Variants in MB21D2 observed in about 807,000 individuals in gnomAD.
MB21D2 encodes the protein nucleotidyltransferase MB21D2.
MB21D2 carries 9 observed loss-of-function variants against 33.3 expected under a neutral mutation model. The ratio of observed to expected loss-of-function variants is 0.27; its 90% CI spans 0.16 to 0.47. The LOEUF (loss-of-function observed/expected upper bound fraction) is 0.47. Ranked by LOEUF, MB21D2 falls within the 20% of genes least tolerant of loss-of-function variation. MB21D2 has a pLI of 0.99. For missense variants in MB21D2, 540 were observed against 624.6 expected (o/e 0.86, Z 1.44); for synonymous variants, 241 against 236.3 (o/e 1.02, Z -0.18).
intron 1 of MB21D2, among the ~76,000 whole-genome samples, chr3:192,850,165 G>A (rs1398656649): frequency 1.3e-5 from 2 of 151,990 alleles, no homozygotes; most frequent in Non-Finnish European, 2.9e-5. Flanking sequence ...TGATCCACCC[G>A]CCTCGGCCTC....
intron 1 of MB21D2, among the ~76,000 whole-genome samples, chr3:192,867,938 G>A (rs1713204399): frequency 6.6e-6 from 1 of 152,180 alleles, no homozygotes. Context: ...CTGGGGATGG[G>A]GGAGGAAGGA....
chr3:192,907,913 T>C (rs1192364386), intron 1 of MB21D2, among the ~76,000 whole-genome samples: 1 of 152,110 alleles, frequency 6.6e-6, no homozygotes, highest in East Asian at 1.9e-4. Context: ...CACATGCCTG[T>C]GAAGAAACAC....
intron 1 of MB21D2, among the ~76,000 whole-genome samples, chr3:192,863,057 T>G (rs1412220554): frequency 6.6e-6 from 1 of 152,162 alleles, no homozygotes; most frequent in Non-Finnish European, 1.5e-5. Context: ...ACTACAGCAC[T>G]GGGGATTAGG....
At chr3:192,839,753 C>T (rs1472127831) in intron 1 of MB21D2, among the ~76,000 whole-genome samples, 2 of 152,118 alleles carry the variant, frequency 1.3e-5, no homozygotes, top group African/African-American at 2.4e-5. Context: ...AGAGTATAGC[C>T]GCTAAAGAAA....
intron 1 of MB21D2, among the ~76,000 whole-genome samples, chr3:192,828,731 C>T (rs1712246990): frequency 6.8e-6 from 1 of 147,230 alleles, no homozygotes; most frequent in Non-Finnish European, 1.5e-5. Flanking sequence ...TCACTGCAGG[C>T]TGCGCCTCCC....
chr3:192,842,849 G>A (rs1577180616), intron 1 of MB21D2, among the ~76,000 whole-genome samples: 1 of 152,200 alleles, frequency 6.6e-6, no homozygotes, highest in Non-Finnish European at 1.5e-5. Context: ...TGCATGTTAA[G>A]TGCAGTTAGG....
intron 1 of MB21D2, among the ~76,000 whole-genome samples, chr3:192,914,393 C>G (rs1385632630): frequency 6.6e-6 from 1 of 152,206 alleles, no homozygotes; most frequent in Non-Finnish European, 1.5e-5. Flanking sequence ...TTCCTGCCTT[C>G]TCCAGCATCT....
At chr3:192,835,964 GA>G (rs1397016675) in intron 1 of MB21D2, among the ~76,000 whole-genome samples, 1 of 152,174 alleles carries the variant, frequency 6.6e-6, no homozygotes, top group East Asian at 1.9e-4. Flanking sequence ...CTCTGGAGAT[GA>G]AAAAAAGTCC....
intron 1 of MB21D2, among the ~76,000 whole-genome samples, chr3:192,837,705 C>G (rs551129746): frequency 6.6e-6 from 1 of 152,276 alleles, no homozygotes; most frequent in South Asian, 2.1e-4. Flanking sequence ...TTCCAAAACG[C>G]CATCCTAGGA....
At chr3:192,811,620 A>G (rs541649037) in intron 1 of MB21D2, among the ~76,000 whole-genome samples, 19 of 152,314 alleles carry the variant, frequency 1.2e-4, no homozygotes, top group African/African-American at 4.3e-4. Flanking sequence ...TACAGCTAGC[A>G]TCTTCCTGAT....
At chr3:192,867,305 A>G (rs35499176) in intron 1 of MB21D2, among the ~76,000 whole-genome samples, 4 of 152,132 alleles carry the variant, frequency 2.6e-5, no homozygotes, top group Non-Finnish European at 5.9e-5. Flanking sequence ...TCTGGCTGAG[A>G]AAGGGTCCCA....
At chr3:192,890,551 G>C (rs1316679924) in intron 1 of MB21D2, among the ~76,000 whole-genome samples, 1 of 150,042 alleles carries the variant, frequency 6.7e-6, no homozygotes, top group Non-Finnish European at 1.5e-5. Flanking sequence ...TATAGAAAAA[G>C]TCTGATGCAA....
chr3:192,828,591 CATATATATATATATATATATATATATATA>C lies in MB21D2; in HGVS notation c.212-28970_212-28942del, dbSNP rs1261331360. 5.5e-3 allele frequency among the ~76,000 whole-genome samples: 299 copies of C among 54,136 alleles called. 24 individuals carry two copies. The Middle Eastern group carries it at 0.1, about 19-fold the overall frequency. 35.5% of individuals were successfully genotyped at this position (54,136 alleles called of 152,430 possible). A position where few individuals can be genotyped will look rare whatever the true frequency, so the allele number is the denominator to read the frequency against. On this transcript the variant is annotated intron_variant, in intron 1 of 1. Transcript: ENST00000392452. ...TATATACAATAAAACTCACCCCCCC[CATATATATATATATATATATATATATATA>C]TATATATATATATATATATATATAT...
chr3:192,815,761 T>G (rs73060252), intron 1 of MB21D2, among the ~76,000 whole-genome samples: 4,502 of 152,312 alleles, frequency 0.03, 168 homozygotes, highest in African/African-American at 0.088. Flanking sequence ...TCATTTAGTT[T>G]GAAAGAAAAT....
At chr3:192,893,004 T>C (rs147491734) in intron 1 of MB21D2, among the ~76,000 whole-genome samples, 1 of 152,308 alleles carries the variant, frequency 6.6e-6, no homozygotes, top group African/African-American at 2.4e-5. Context: ...CTACTTAATT[T>C]GCACGACAAT....
At chr3:192,819,587 A>G (rs1400025901) in intron 1 of MB21D2, among the ~76,000 whole-genome samples, 1 of 152,092 alleles carries the variant, frequency 6.6e-6, no homozygotes, top group East Asian at 1.9e-4. Flanking sequence ...TAAAAGGGAG[A>G]TGGAGAAAGG....
Position 192,820,520 on chromosome 3 carries a change from TG to T in MB21D2, c.212-20871del, listed in dbSNP as rs1712022713. On this transcript the variant is annotated intron_variant, in intron 1 of 1. Coordinates refer to ENST00000392452, the MANE Select transcript of MB21D2 (RefSeq NM_178496.4). ...GGATTTACAGCCAGTCTCTGGGCAATGAATGATTTGTCACCTTTTTCTTCTG... is the reference window on the plus strand; with the variant it reads ...GGATTTACAGCCAGTCTCTGGGCAATAATGATTTGTCACCTTTTTCTTCTG... Among the ~76,000 whole-genome samples, 6 of 152,348 alleles carry T rather than the reference TG, an allele frequency of 3.9e-5. No homozygotes were observed. The South Asian group carries it at 1.2e-3, about 32-fold the overall frequency.
chr3:192,810,716 A>T (rs748663455), intron 1 of MB21D2, among the ~76,000 whole-genome samples: 1 of 151,968 alleles, frequency 6.6e-6, no homozygotes, highest in Non-Finnish European at 1.5e-5. Context: ...TAAATCCCAG[A>T]CAACCTATCA....
chr3:192,895,183 G>A (rs911275116), intron 1 of MB21D2, among the ~76,000 whole-genome samples: 4 of 152,032 alleles, frequency 2.6e-5, no homozygotes, highest in African/African-American at 9.7e-5. Context: ...ATTCCTTCTG[G>A]TCCAGTGCTC....
Sources: gnomAD v4.1 joint callset for allele counts (sites outside exome capture counted in the v4.1 genomes callset) on GRCh38, gnomAD v4.1.1 for gene constraint, MANE v1.5 for transcripts, NCBI Gene and HGNC (gene_info 2026-07-23, HGNC 2026-07-21) for gene names.